Variants in BRCA2 observed in about 807,000 individuals in gnomAD.
BRCA2 encodes BRCA2 DNA repair associated, also known as breast cancer type 2 susceptibility protein.
A neutral mutation model predicts 276.7 loss-of-function variants in BRCA2; 203 were observed. The ratio of observed to expected loss-of-function variants is 0.73; its 90% CI spans 0.65 to 0.82. The LOEUF (loss-of-function observed/expected upper bound fraction) is 0.82. Ranked by LOEUF, BRCA2 falls within the 40% of genes least tolerant of loss-of-function variation. The pLI is 0.00. For synonymous variants in BRCA2, 1,289 were observed against 1,338.4 expected (o/e 0.96, Z 0.81); for missense variants, 3,920 against 3,915.0 (o/e 1.00, Z -0.03).
chr13:32,356,551 G>T lies in BRCA2; in HGVS notation c.7559G>T (p.Arg2520Leu), dbSNP rs80358982. 1.9e-6 allele frequency: 3 copies of T among 1,614,152 alleles called. No individual in the cohort carries two copies. The highest frequency in any genetic ancestry group is 2.2e-5 in the South Asian group (2 of 91,084). Reference protein sequence around the residue: ...LYLAKTSTLPRISLKAAVGGQ... With the variant: ...LYLAKTSTLPLISLKAAVGGQ... ...CTTGCAAAAACATCCACTCTGCCTC[G>T]AATCTCTCTGAAAGCAGCAGTAGGA... is the stretch of plus-strand genomic sequence containing the variant. The change falls in exon 15 of 27, where the codon CGA becomes CTA. Residue 2520 changes from arginine (R) to leucine (L), a missense_variant. This residue lies in a region of BRCA2 where 3,263 missense variants were observed against 3,156.9 expected (regional missense o/e 1.03). Transcript: ENST00000380152.
chr13:32,352,705 G>T (rs1010751912), intron 13 of BRCA2, among the ~76,000 whole-genome samples: 1 of 152,310 alleles, frequency 6.6e-6, no homozygotes, highest in South Asian at 2.1e-4. Context: ...TGAAACCTAG[G>T]TAGGTGATAG....
chr13:32,340,829 TCAA>T lies in BRCA2; in HGVS notation c.6478_6480del (p.Gln2160del). 6.3e-7 allele frequency: 1 copy of T among 1,589,636 alleles called. No individual in the cohort carries two copies. The highest frequency in any genetic ancestry group is 8.5e-7 in the Non-Finnish European group (1 of 1,171,996). On this transcript the variant is annotated inframe_deletion, in exon 11 of 27. Coordinates refer to ENST00000380152, the MANE Select transcript of BRCA2 (RefSeq NM_000059.4). ...AAGTTTCTCCATATCTCTCTCAATT[TCAA>T]CAAGACAAACAACAGTTGGTATTAG...
chr13:32,316,564 C>G (rs367697028), intron 2 of BRCA2, 37 bp downstream of exon 2: 1 of 1,561,836 alleles, frequency 6.4e-7, no homozygotes, highest in Admixed American at 1.7e-5. Context: ...TAAATTACAC[C>G]GAGAAAGTGT....
intron 18 of BRCA2, among the ~76,000 whole-genome samples, chr13:32,366,780 C>T (rs2072785261): frequency 6.6e-6 from 1 of 151,098 alleles, no homozygotes; most frequent in Non-Finnish European, 1.5e-5. Context: ...CAAGGTCGCA[C>T]CACTGCACTC....
intron 12 of BRCA2, among the ~76,000 whole-genome samples, chr13:32,344,881 A>G (rs2072600900): frequency 6.6e-6 from 1 of 152,166 alleles, no homozygotes; most frequent in Non-Finnish European, 1.5e-5. Context: ...ATGTAAATTG[A>G]TTAATGTTAA....
At chr13:32,326,860 A>G (rs540195599) in intron 7 of BRCA2, among the ~76,000 whole-genome samples, 1 of 152,396 alleles carries the variant, frequency 6.6e-6, no homozygotes, top group East Asian at 1.9e-4. Flanking sequence ...AGAATAGCTT[A>G]CAAATATTCC....
rs915823651 is a variant in BRCA2, at chr13:32,356,720, A to G, written c.7617+111A>G. 13 of 1,262,232 alleles carry G rather than the reference A, an allele frequency of 1.0e-5. No homozygotes were observed. In the South Asian group the frequency reaches 1.4e-4, roughly 13 times the overall value. 78.2% of individuals were successfully genotyped at this position (1,262,232 alleles called of 1,614,324 possible). On this transcript the variant is annotated intron_variant, in intron 15 of 26. Transcript: ENST00000380152. Reference sequence around the variant, plus strand: ...AAAGAATGAACACATTAGTGCAGGAATGGATGAATGAAATCATCATATTTT... The same window carrying G: ...AAAGAATGAACACATTAGTGCAGGAGTGGATGAATGAAATCATCATATTTT...
Position 32,338,213 on chromosome 13 carries a change from AAAT to A in BRCA2, c.3864_3866del (p.Asn1288del), listed in dbSNP as rs276174837. On this transcript the variant is annotated inframe_deletion, in exon 11 of 27. Transcript: ENST00000380152. Reference sequence around the variant, plus strand: ...ATAATGATAAAACTGTAAGTGAAAAAAATAATAAATGCCAACTGATATTACAAA... The same window carrying A: ...ATAATGATAAAACTGTAAGTGAAAAAAATAAATGCCAACTGATATTACAAA... 7 of 1,544,010 alleles carry A rather than the reference AAAT, an allele frequency of 4.5e-6. No individual in the cohort carries two copies. The highest frequency in any genetic ancestry group is 1.4e-5 in the African/African-American group (1 of 71,832).
chr13:32,338,625 TCTG>T lies in BRCA2; in HGVS notation c.4271_4273del (p.Ser1424_Asp1425delinsTyr). Reference sequence around the variant, plus strand: ...GCAAAATATAAAAGATTTTGAGACTTCTGATACATTTTTTCAGACTGCAAGTGG... The same window carrying T: ...GCAAAATATAAAAGATTTTGAGACTTATACATTTTTTCAGACTGCAAGTGG... On this transcript the variant is annotated inframe_deletion, in exon 11 of 27. Transcript: ENST00000380152. 6.3e-7 allele frequency: 1 copy of T among 1,598,696 alleles called. No individual in the cohort carries two copies. The highest frequency in any genetic ancestry group is 8.5e-7 in the Non-Finnish European group (1 of 1,170,398).
At chr13:32,387,966 C>T (rs1295396196) in intron 24 of BRCA2, among the ~76,000 whole-genome samples, 1 of 152,130 alleles carries the variant, frequency 6.6e-6, no homozygotes. Flanking sequence ...GGGCCGCTAC[C>T]GGTCTCCCGC....
At chr13:32,388,812 A>G (rs1288754498) in intron 24 of BRCA2, among the ~76,000 whole-genome samples, 4 of 152,146 alleles carry the variant, frequency 2.6e-5, no homozygotes, top group Non-Finnish European at 5.9e-5. Context: ...TGAGTTTCCT[A>G]TAAGGAACAA....
chr13:32,362,519 T>C lies in BRCA2; in HGVS notation c.7806-4T>C, dbSNP rs1254769517. On this transcript the variant is annotated splice_polypyrimidine_tract_variant and splice_region_variant and intron_variant, in intron 16 of 26. Transcript: ENST00000380152. ...ATGATAATATTCTACTTTTATTTGT[T>C]CAGGGCTCTGTGTGACACTCCAGGT... 2 of 1,613,244 alleles carry C rather than the reference T, an allele frequency of 1.2e-6. No homozygotes were observed. The highest frequency in any genetic ancestry group is 2.2e-5 in the South Asian group (2 of 91,060).
Position 32,320,840 on chromosome 13 carries a change from C to T in BRCA2, c.316+1515C>T, listed in dbSNP as rs7981512. Among the ~76,000 whole-genome samples the T allele has an allele frequency of 0.014, 2,056 of 152,278 alleles. 38 individuals carry two copies. The highest frequency in any genetic ancestry group is 0.047 in the African/African-American group (1,947 of 41,546). ...ATCAAACAGCAGTCTTTGGAGATAA[C>T]GTTTTTCAAAATGTCATGTCTGTGC... is the stretch of plus-strand genomic sequence containing the variant. On this transcript the variant is annotated intron_variant, in intron 3 of 26. Transcript: ENST00000380152.
chr13:32,357,715 T>A lies in BRCA2; in HGVS notation c.7618-27T>A, dbSNP rs397507925. The A allele has an allele frequency of 1.9e-6, 3 of 1,599,340 alleles. No individual in the cohort carries two copies. The highest frequency in any genetic ancestry group is 2.2e-5 in the East Asian group (1 of 44,738). ...ACATGTTTACTTTAAATTGTTTTTC[T>A]TTTTTGTGTGTGTTTATTTTGTGTA... is the stretch of plus-strand genomic sequence containing the variant. On this transcript the variant is annotated intron_variant, in intron 15 of 26. Transcript: ENST00000380152.
At chr13:32,330,368 A>G (rs556436227) in intron 8 of BRCA2, among the ~76,000 whole-genome samples, 1 of 152,136 alleles carries the variant, frequency 6.6e-6, no homozygotes, top group Non-Finnish European at 1.5e-5. Flanking sequence ...TCGCAGTACA[A>G]TTTTTTTCCT....
intron 11 of BRCA2, 61 bp from the exon 12 acceptor site, chr13:32,344,497 T>G: frequency 8.6e-7 from 1 of 1,158,222 alleles, no homozygotes; most frequent in Non-Finnish European, 1.3e-6. Flanking sequence ...GTCTATAGAC[T>G]TTTGAGAAAT....
chr13:32,331,951 A>T (rs1194351837), intron 9 of BRCA2, among the ~76,000 whole-genome samples: 1 of 152,182 alleles, frequency 6.6e-6, no homozygotes, highest in South Asian at 2.1e-4. Context: ...GATAGGTCTT[A>T]GAATATTTAA....
intron 1 of BRCA2, 26 bp downstream of exon 1, chr13:32,315,693 G>C (rs993716244): frequency 6.5e-6 from 1 of 152,852 alleles, no homozygotes; most frequent in South Asian, 2.1e-4. Context: ...AGTGGGTTGG[G>C]ACGAGCGCGT....
rs80358693 is a variant in BRCA2, at chr13:32,338,949, G to A, written c.4594G>A (p.Val1532Ile). 6.2e-7 allele frequency: 1 copy of A among 1,613,830 alleles called. No homozygotes were observed. Among genetic ancestry groups the A allele is most frequent in the Non-Finnish European group, 8.5e-7 (1 of 1,179,884 alleles). The change falls in exon 11 of 27, where the codon GTT becomes ATT. Residue 1532 changes from valine (V) to isoleucine (I), a missense_variant. This residue lies in a region of BRCA2 where 3,263 missense variants were observed against 3,156.9 expected (regional missense o/e 1.03). Coordinates refer to ENST00000380152, the MANE Select transcript of BRCA2 (RefSeq NM_000059.4). ...TTTTCATACAGCTAGCGGGAAAAAAGTTAAAATTGCAAAGGAATCTTTGGA... is the reference window on the plus strand; with the variant it reads ...TTTTCATACAGCTAGCGGGAAAAAAATTAAAATTGCAAAGGAATCTTTGGA... ...LGFHTASGKK[V>I]KIAKESLDKV...
Sources: allele counts gnomAD v4.1 joint callset (sites outside exome capture counted in the v4.1 genomes callset), GRCh38; gene constraint gnomAD v4.1.1; regional missense constraint gnomAD v4.1.1; transcripts MANE v1.5; gene names NCBI Gene and HGNC (gene_info 2026-07-23, HGNC 2026-07-21).